The following CHST11 variants were observed in gnomAD, a reference collection of about 807,000 sequenced individuals.
CHST11 encodes C4S-1.
CHST11 carries 9 observed loss-of-function variants against 30.4 expected under a neutral mutation model. The observed-to-expected ratio is 0.30, with a 90% confidence interval of 0.18 to 0.52. The LOEUF is 0.52. Ranked by LOEUF, CHST11 falls within the 20% of genes least tolerant of loss-of-function variation. The pLI, the probability that CHST11 is intolerant of heterozygous loss-of-function variation, is 0.97. For synonymous variants in CHST11, 152 were observed against 187.8 expected, an observed-to-expected ratio of 0.81 and a Z score of 1.56; for missense variants, 348 against 460.6, an observed-to-expected ratio of 0.76 and a Z score of 2.24.
At chr12:104,705,477 G>T (rs74490630) in intron 2 of CHST11, among the ~76,000 whole-genome samples, 8,767 of 152,162 alleles carry the variant, frequency 0.058, 424 homozygotes, top group East Asian at 0.21. Context: ...GCTATTTTTT[G>T]GAGCACCAAC....
chr12:104,601,107 A>G (rs2038953958), intron 1 of CHST11, among the ~76,000 whole-genome samples: 1 of 144,916 alleles, frequency 6.9e-6, no homozygotes, highest in African/African-American at 2.6e-5. Flanking sequence ...CTCTCTCCCA[A>G]TTTCATCCCT....
At chr12:104,595,292 A>T (rs889686388) in intron 1 of CHST11, among the ~76,000 whole-genome samples, 3 of 152,208 alleles carry the variant, frequency 2.0e-5, no homozygotes, top group African/African-American at 7.2e-5. Context: ...CAGGGGTTTT[A>T]AAACCCTGGT....
intron 1 of CHST11, among the ~76,000 whole-genome samples, chr12:104,595,626 A>C (rs943903840): frequency 6.6e-6 from 1 of 152,138 alleles, no homozygotes; most frequent in Admixed American, 6.5e-5. Flanking sequence ...TGAAGATCTT[A>C]GTTTGGTGGC....
At chr12:104,655,770 G>T (rs921836395) in intron 2 of CHST11, among the ~76,000 whole-genome samples, 6 of 152,246 alleles carry the variant, frequency 3.9e-5, no homozygotes, top group Admixed American at 2.0e-4. Flanking sequence ...CTGTGCTCGT[G>T]TATAAACCAG....
intron 2 of CHST11, among the ~76,000 whole-genome samples, chr12:104,720,394 G>A (rs886284659): frequency 1.5e-4 from 23 of 152,214 alleles, no homozygotes; most frequent in African/African-American, 5.1e-4. Flanking sequence ...CGTCCAAGGC[G>A]TTTGGTGCTG....
At chr12:104,534,595 T>C (rs1173054405) in intron 1 of CHST11, among the ~76,000 whole-genome samples, 7 of 152,226 alleles carry the variant, frequency 4.6e-5, no homozygotes, top group African/African-American at 7.2e-5. Flanking sequence ...TTGATCCCAC[T>C]GAGAGGGCAG....
chr12:104,505,754 G>A (rs553195099), intron 1 of CHST11, among the ~76,000 whole-genome samples: 1 of 152,306 alleles, frequency 6.6e-6, no homozygotes, highest in Non-Finnish European at 1.5e-5. Context: ...CAAGCATTCA[G>A]CAAATGTAGC....
intron 1 of CHST11, among the ~76,000 whole-genome samples, chr12:104,470,411 G>A (rs975476408): frequency 6.6e-6 from 1 of 152,136 alleles, no homozygotes; most frequent in Non-Finnish European, 1.5e-5. Context: ...CAGATCTCAT[G>A]AGACTCACTC....
intron 2 of CHST11, among the ~76,000 whole-genome samples, chr12:104,711,576 G>C (rs1340627890): frequency 6.6e-6 from 1 of 152,150 alleles, no homozygotes; most frequent in Non-Finnish European, 1.5e-5. Context: ...GATGGCAGGA[G>C]TGGGAAGTGA....
At position 104,760,694 on chromosome 12, in the gene CHST11, G is replaced by A. The variant is rs774378860; in HGVS notation, c.*2891G>A. 1.3e-5 allele frequency: 2 copies of A among 152,200 alleles called. No homozygotes were observed. Among genetic ancestry groups the A allele is most frequent in the Non-Finnish European group, 2.9e-5 (2 of 68,042 alleles). 9.4% of individuals were successfully genotyped at this position (152,200 alleles called of 1,614,324 possible). On this transcript the variant is annotated 3_prime_UTR_variant, in exon 3 of 3. Transcript: ENST00000303694. ...TTCTCTCTCTTAAGTGAGAAAGATTGTCCTTCAGGGGACATGACATCAATA... is the reference window on the plus strand; with the variant it reads ...TTCTCTCTCTTAAGTGAGAAAGATTATCCTTCAGGGGACATGACATCAATA...
chr12:104,549,826 G>C (rs1345478503), intron 1 of CHST11, among the ~76,000 whole-genome samples: 1 of 152,176 alleles, frequency 6.6e-6, no homozygotes, highest in African/African-American at 2.4e-5. Flanking sequence ...AGAATCTCTT[G>C]AGCCTGGGAG....
chr12:104,475,659 TA>T (rs1184427804), intron 1 of CHST11, among the ~76,000 whole-genome samples: 3,666 of 32,990 alleles, frequency 0.11, 278 homozygotes, highest in African/African-American at 0.35. Context: ...AAAGCAGCAT[TA>T]TATATATATA....
rs1440230941 is a variant in CHST11, at chr12:104,760,677, CTT to C, written c.*2875_*2876del. 6.6e-6 allele frequency: 1 copy of C among 152,200 alleles called. No individual in the cohort carries two copies. Among genetic ancestry groups the C allele is most frequent in the African/African-American group, 2.4e-5 (1 of 41,442 alleles). 9.4% of individuals were successfully genotyped at this position (152,200 alleles called of 1,614,324 possible). On this transcript the variant is annotated 3_prime_UTR_variant, in exon 3 of 3. Coordinates refer to ENST00000303694, the MANE Select transcript of CHST11 (RefSeq NM_018413.6). Reference sequence around the variant, plus strand: ...ATGGCCTTTCATCTGGCTTCTCTCTCTTAAGTGAGAAAGATTGTCCTTCAGGG... The same window carrying C: ...ATGGCCTTTCATCTGGCTTCTCTCTCAAGTGAGAAAGATTGTCCTTCAGGG...
Position 104,458,010 on chromosome 12 carries a change from C to T in CHST11, c.118+481C>T, listed in dbSNP as rs2037371709. Among the ~76,000 whole-genome samples, 1 of 151,802 alleles carries T rather than the reference C, an allele frequency of 6.6e-6. No homozygotes were observed. The highest frequency in any genetic ancestry group is 1.5e-5 in the Non-Finnish European group (1 of 67,864). On this transcript the variant is annotated intron_variant, in intron 1 of 2. Transcript: ENST00000303694. The surrounding 1 kb of genome is among the most constrained non-coding windows in gnomAD (Gnocchi z 5.7). Reference sequence around the variant, plus strand: ...GAGCCGCCTCTTCCTGGTTGCCGGGCCGGGGGCGAAGGGTGTACGCCCCGG... The same window carrying T: ...GAGCCGCCTCTTCCTGGTTGCCGGGTCGGGGGCGAAGGGTGTACGCCCCGG...
chr12:104,683,442 G>A (rs1421267770), intron 2 of CHST11, among the ~76,000 whole-genome samples: 2 of 152,166 alleles, frequency 1.3e-5, no homozygotes, highest in Non-Finnish European at 2.9e-5. Flanking sequence ...CTATGGTTTT[G>A]TTAGGGTTTC....
At chr12:104,628,245 G>A (rs1217077385) in intron 2 of CHST11, among the ~76,000 whole-genome samples, 3 of 152,152 alleles carry the variant, frequency 2.0e-5, no homozygotes, top group Admixed American at 6.5e-5. Context: ...CAACGGTCCC[G>A]TTCTTCCTGT....
intron 1 of CHST11, among the ~76,000 whole-genome samples, chr12:104,508,715 G>T (rs2037932895): frequency 6.6e-6 from 1 of 152,194 alleles, no homozygotes; most frequent in Admixed American, 6.5e-5. Flanking sequence ...TTGTGGTTAT[G>T]ATCATATATG....
chr12:104,761,532 G>A lies in CHST11; in HGVS notation c.*3729G>A, dbSNP rs1355345900. On this transcript the variant is annotated 3_prime_UTR_variant, in exon 3 of 3. Coordinates refer to ENST00000303694, the MANE Select transcript of CHST11 (RefSeq NM_018413.6). ...AGCTGCGCCATTCTGTGCAATCCCA[G>A]TGACCAAATCCCTTCCTTGCCCACC... 6.6e-6 allele frequency: 1 copy of A among 150,396 alleles called. No individual in the cohort carries two copies. The highest frequency in any genetic ancestry group is 2.5e-5 in the African/African-American group (1 of 39,590). 9.3% of individuals were successfully genotyped at this position (150,396 alleles called of 1,614,324 possible). A position where few individuals can be genotyped will look rare whatever the true frequency, so the allele number is the denominator to read the frequency against.
chr12:104,625,343 C>T (rs2039202815), intron 2 of CHST11, among the ~76,000 whole-genome samples: 1 of 152,166 alleles, frequency 6.6e-6, no homozygotes, highest in South Asian at 2.1e-4. Flanking sequence ...TCGCTCTTGT[C>T]GCCCAGGCTG....
Sources: gnomAD v4.1 joint callset for allele counts (sites outside exome capture counted in the v4.1 genomes callset) on GRCh38, gnomAD v4.1.1 for gene constraint, Gnocchi (gnomAD v3.1) non-coding constraint, MANE v1.5 for transcripts, NCBI Gene and HGNC (gene_info 2026-07-23, HGNC 2026-07-21) for gene names.